The following MACROD2 variants were observed in gnomAD, a reference collection of about 807,000 sequenced individuals.
The protein encoded by MACROD2 is mono-ADP ribosylhydrolase 2, also known as ADP-ribose glycohydrolase MACROD2.
In MACROD2, 36 loss-of-function variants were observed where a neutral mutation model predicts 70.4. The observed-to-expected ratio is 0.51, with a 90% CI of 0.39 to 0.68. The LOEUF (loss-of-function observed/expected upper bound fraction) is 0.68. Ranked by LOEUF, MACROD2 falls within the 30% of genes least tolerant of loss-of-function variation. The pLI, the probability that MACROD2 is intolerant of heterozygous loss-of-function variation, is 0.00. For synonymous variants in MACROD2, 172 were observed against 178.8 expected (o/e 0.96, Z 0.30); for missense variants, 496 against 538.4 (o/e 0.92, Z 0.78).
At chr20:14,954,706 T>TTATAAATATATAAATA (rs540994223) in intron 5 of MACROD2, among the ~76,000 whole-genome samples, 7 of 27,030 alleles carry the variant, frequency 2.6e-4, no homozygotes, top group East Asian at 5.5e-4. Context: ...TATAAATAAA[T>TTATAAATATATAAATA]TATAAATATA....
At chr20:15,301,900 A>T (rs967093473) in intron 6 of MACROD2, among the ~76,000 whole-genome samples, 2 of 152,106 alleles carry the variant, frequency 1.3e-5, no homozygotes, top group African/African-American at 2.4e-5. Flanking sequence ...TGTGCAAAGG[A>T]TGTCTTAAAC....
chr20:14,614,846 G>T (rs1054168623), intron 4 of MACROD2, among the ~76,000 whole-genome samples: 1 of 152,052 alleles, frequency 6.6e-6, no homozygotes, highest in Admixed American at 6.6e-5. Flanking sequence ...TTATAATTTA[G>T]TATGAATAAA....
intron 4 of MACROD2, among the ~76,000 whole-genome samples, chr20:14,515,250 G>C (rs1457136256): frequency 6.6e-6 from 1 of 151,996 alleles, no homozygotes; most frequent in African/African-American, 2.4e-5. Flanking sequence ...CCACTTAATT[G>C]TAAAACTAGC....
intron 3 of MACROD2, among the ~76,000 whole-genome samples, chr20:14,305,376 A>C (rs115098937): frequency 4.3e-4 from 66 of 152,236 alleles, no homozygotes; most frequent in African/African-American, 1.4e-3. Context: ...GCGTACATAT[A>C]TATAATAATA....
At chr20:15,161,941 G>A (rs1463209510) in intron 5 of MACROD2, among the ~76,000 whole-genome samples, 2 of 151,976 alleles carry the variant, frequency 1.3e-5, no homozygotes, top group Non-Finnish European at 2.9e-5. Flanking sequence ...CAAAACAAAT[G>A]CACTTTTTAG....
intron 8 of MACROD2, among the ~76,000 whole-genome samples, chr20:15,778,013 C>T (rs923544303): frequency 4.6e-5 from 7 of 152,072 alleles, no homozygotes; most frequent in African/African-American, 1.7e-4. Context: ...CTGTATTTGG[C>T]CAATATGTAT....
chr20:15,125,997 G>C (rs567292506), intron 5 of MACROD2, among the ~76,000 whole-genome samples: 4,008 of 126,756 alleles, frequency 0.032, 116 homozygotes, highest in Middle Eastern at 0.13. Context: ...CTATGTTGTA[G>C]CATGTATCAG....
intron 8 of MACROD2, among the ~76,000 whole-genome samples, chr20:15,554,378 A>T (rs2048138138): frequency 6.6e-6 from 1 of 152,204 alleles, no homozygotes; most frequent in East Asian, 1.9e-4. Flanking sequence ...TTTATTTATC[A>T]AAAAGATAAA....
At chr20:15,376,794 G>A (rs2045568502) in intron 6 of MACROD2, among the ~76,000 whole-genome samples, 1 of 152,154 alleles carries the variant, frequency 6.6e-6, no homozygotes. Context: ...TTACCCATAA[G>A]ACTAAGACAA....
At chr20:14,771,288 C>T (rs1047806145) in intron 5 of MACROD2, among the ~76,000 whole-genome samples, 1 of 151,932 alleles carries the variant, frequency 6.6e-6, no homozygotes, top group African/African-American at 2.4e-5. Context: ...TTTTAACCTC[C>T]ATAATTACGG....
chr20:14,755,040 T>A (rs2071922195), intron 5 of MACROD2, among the ~76,000 whole-genome samples: 1 of 152,084 alleles, frequency 6.6e-6, no homozygotes, highest in Admixed American at 6.5e-5. Flanking sequence ...TGAAAACAGC[T>A]GAGCAATCAA....
Position 15,904,813 on chromosome 20 carries a change from G to A in MACROD2, c.775+19002G>A, listed in dbSNP as rs557507466. Among the ~76,000 whole-genome samples the A allele has an allele frequency of 1.7e-4, 26 of 150,304 alleles. 1 individual carries two copies. Among genetic ancestry groups the A allele is most frequent in the East Asian group, 1.2e-3 (6 of 4,894 alleles). On this transcript the variant is annotated intron_variant, in intron 10 of 17. Transcript: ENST00000684519. ...GGAGAATGATGTGAAGCTGGGAGGC[G>A]GAGCTTGCAGTGAGCCACGATCGCA...
At chr20:15,066,582 A>G (rs2123095747) in intron 5 of MACROD2, among the ~76,000 whole-genome samples, 1 of 151,064 alleles carries the variant, frequency 6.6e-6, no homozygotes, top group Middle Eastern at 3.4e-3. Flanking sequence ...TTCAGCTTTA[A>G]AAGTGCAGTG....
chr20:15,329,864 C>G (rs1247039682), intron 6 of MACROD2, among the ~76,000 whole-genome samples: 1 of 152,042 alleles, frequency 6.6e-6, no homozygotes, highest in Non-Finnish European at 1.5e-5. Flanking sequence ...GCACCTTTGG[C>G]ATTTGAGAAA....
intron 7 of MACROD2, among the ~76,000 whole-genome samples, chr20:15,496,927 G>A (rs1184638699): frequency 1.3e-5 from 2 of 152,176 alleles, no homozygotes; most frequent in African/African-American, 4.8e-5. Context: ...AAGGAGCACA[G>A]CTGTCAACTA....
chr20:14,600,343 TACAC>T (rs1042255013), intron 4 of MACROD2, among the ~76,000 whole-genome samples: 125 of 130,192 alleles, frequency 9.6e-4, no homozygotes, highest in Non-Finnish European at 5.8e-4. Context: ...TATATATATA[TACAC>T]ACACACACAC....
Position 15,353,704 on chromosome 20 carries a change from C to A in MACROD2, c.541-77701C>A, listed in dbSNP as rs28846483. On this transcript the variant is annotated intron_variant, in intron 6 of 17. Transcript: ENST00000684519. ...AGTGGGCAAAGGATATGAACAGACA[C>A]TTCTCAAAAGAAGACATTTATGCAG... is the stretch of plus-strand genomic sequence containing the variant. Among the ~76,000 whole-genome samples the A allele has an allele frequency of 9.0e-3, 1,258 of 139,486 alleles. 14 individuals carry two copies. Among genetic ancestry groups the A allele is most frequent in the Non-Finnish European group, 0.014 (896 of 64,836 alleles). The allele number at this position is 139,486 out of a possible 152,430, so 91.5% of individuals were successfully genotyped here. A position where few individuals can be genotyped will look rare whatever the true frequency, so the allele number is the denominator to read the frequency against.
intron 5 of MACROD2, among the ~76,000 whole-genome samples, chr20:14,706,413 C>G (rs75203186): frequency 0.031 from 4,791 of 152,100 alleles, 102 homozygotes; most frequent in Non-Finnish European, 0.046. Flanking sequence ...AACATGGATG[C>G]TTTGGCTCTG....
At chr20:15,787,091 C>G (rs543396897) in intron 8 of MACROD2, among the ~76,000 whole-genome samples, 1 of 152,188 alleles carries the variant, frequency 6.6e-6, no homozygotes, top group East Asian at 1.9e-4. Context: ...CCTGCCTCAG[C>G]CTCTCGAGTA....
Sources: allele counts gnomAD v4.1 joint callset (sites outside exome capture counted in the v4.1 genomes callset), GRCh38; gene constraint gnomAD v4.1.1; transcripts MANE v1.5; gene names NCBI Gene and HGNC (gene_info 2026-07-23, HGNC 2026-07-21).